The following KCNIP4 variants were observed in gnomAD, a reference collection of about 807,000 sequenced individuals.
The protein encoded by KCNIP4 is Kv channel-interacting protein 4.
In KCNIP4, 12 loss-of-function variants were observed where a neutral mutation model predicts 34.0. That is an observed-to-expected ratio of 0.35 (90% CI 0.23 to 0.57). KCNIP4 has a LOEUF of 0.57. KCNIP4 is among the 20% of genes least tolerant of loss of function. The pLI is 0.83. For missense variants in KCNIP4, 238 were observed against 311.7 expected, an observed-to-expected ratio of 0.76 and a Z score of 1.78; for synonymous variants, 124 against 102.2, an observed-to-expected ratio of 1.21 and a Z score of -1.29.
chr4:21,573,441 G>T (rs1740504403), intron 1 of KCNIP4, among the ~76,000 whole-genome samples: 1 of 151,778 alleles, frequency 6.6e-6, no homozygotes, highest in East Asian at 1.9e-4. Flanking sequence ...GTGTTCTATT[G>T]TTTCTCAGAT....
chr4:21,342,005 A>G (rs549661270), intron 1 of KCNIP4, among the ~76,000 whole-genome samples: 3 of 152,202 alleles, frequency 2.0e-5, no homozygotes, highest in African/African-American at 7.2e-5. Context: ...GTCCCCTCTT[A>G]TAAGGACTAT....
At chr4:21,492,177 T>C (rs1166350413) in intron 1 of KCNIP4, among the ~76,000 whole-genome samples, 1 of 152,122 alleles carries the variant, frequency 6.6e-6, no homozygotes, top group African/African-American at 2.4e-5. Flanking sequence ...ATACAAGTCA[T>C]TTTACTAACT....
At chr4:21,514,737 A>G (rs566926448) in intron 1 of KCNIP4, among the ~76,000 whole-genome samples, 1 of 152,142 alleles carries the variant, frequency 6.6e-6, no homozygotes, top group Non-Finnish European at 1.5e-5. Context: ...AAGTGAAAGA[A>G]AGACTCTCTC....
At chr4:21,082,600 T>C (rs1401483161) in intron 1 of KCNIP4, among the ~76,000 whole-genome samples, 8 of 151,312 alleles carry the variant, frequency 5.3e-5, no homozygotes. Context: ...AAATTTACAG[T>C]GTCTGGGGCA....
intron 1 of KCNIP4, among the ~76,000 whole-genome samples, chr4:21,420,251 C>T (rs993137345): frequency 1.1e-4 from 17 of 152,096 alleles, no homozygotes; most frequent in East Asian, 1.9e-4. Context: ...ATTAAAATGG[C>T]GAAATAATGT....
chr4:21,192,740 A>AT (rs1755740130), intron 1 of KCNIP4, among the ~76,000 whole-genome samples: 1 of 152,074 alleles, frequency 6.6e-6, no homozygotes, highest in South Asian at 2.1e-4. Context: ...ATGAAAAGAA[A>AT]TAAAAAAATT....
At chr4:21,154,975 C>T (rs543362975) in intron 1 of KCNIP4, among the ~76,000 whole-genome samples, 1 of 152,332 alleles carries the variant, frequency 6.6e-6, no homozygotes, top group South Asian at 2.1e-4. Context: ...CACACTTGCT[C>T]TCTTTCATAT....
At chr4:21,665,213 T>C (rs1210021673) in intron 1 of KCNIP4, among the ~76,000 whole-genome samples, 2 of 152,126 alleles carry the variant, frequency 1.3e-5, no homozygotes, top group Admixed American at 6.6e-5. Context: ...TCAGGAAATA[T>C]ATGGAAAGTG....
chr4:21,523,653 CCTCAAA>C (rs1409868196), intron 1 of KCNIP4, among the ~76,000 whole-genome samples: 1 of 152,032 alleles, frequency 6.6e-6, no homozygotes, highest in Non-Finnish European at 1.5e-5. Flanking sequence ...CCCACTGACA[CCTCAAA>C]CTCTTGAGCT....
At chr4:21,302,721 G>A (rs754976884) in intron 1 of KCNIP4, among the ~76,000 whole-genome samples, 12 of 151,616 alleles carry the variant, frequency 7.9e-5, no homozygotes, top group Non-Finnish European at 1.2e-4. Context: ...TGCATCCCCC[G>A]CCCCATGAGT....
chr4:21,769,384 T>C (rs1311082730), intron 1 of KCNIP4, among the ~76,000 whole-genome samples: 1 of 152,152 alleles, frequency 6.6e-6, no homozygotes, highest in African/African-American at 2.4e-5. Context: ...ATGTTCCAAA[T>C]ACTTTTGCTG....
intron 1 of KCNIP4, among the ~76,000 whole-genome samples, chr4:20,885,667 A>T (rs1487617850): frequency 1.3e-5 from 2 of 152,226 alleles, no homozygotes; most frequent in African/African-American, 4.8e-5. Context: ...CTATCTGGGC[A>T]GCAGGCAAAA....
intron 1 of KCNIP4, among the ~76,000 whole-genome samples, chr4:20,883,051 A>G (rs1349326370): frequency 6.8e-6 from 1 of 147,798 alleles, no homozygotes; most frequent in East Asian, 2.0e-4. Flanking sequence ...GGGATAAAAC[A>G]AGTATCACTA....
Position 20,729,474 on chromosome 4 carries a change from A to G in KCNIP4, c.*608T>C, listed in dbSNP as rs1560391978. ...TATGCTGATATCTGATAATAAACTA[A>G]TTTTTAAATGTTTAATAATTTTTAA... On this transcript the variant is annotated 3_prime_UTR_variant, in exon 9 of 9. Coordinates refer to ENST00000382152, the MANE Select transcript of KCNIP4 (RefSeq NM_025221.6). The G allele has an allele frequency of 2.5e-5, 3 of 118,420 alleles. No homozygotes were observed. The highest frequency in any genetic ancestry group is 1.1e-4 in the African/African-American group (3 of 27,146). 7.3% of individuals were successfully genotyped at this position (118,420 alleles called of 1,614,324 possible).
intron 3 of KCNIP4, among the ~76,000 whole-genome samples, chr4:20,848,948 C>T (rs190322283): frequency 1.1e-4 from 17 of 152,282 alleles, no homozygotes; most frequent in Admixed American, 1.1e-3. Context: ...TTTTACACCT[C>T]CTTTCCTTTC....
In KCNIP4 at chr4:20,742,763, A is replaced by G. The variant is rs182508849; in HGVS notation, c.429+6899T>C. Among the ~76,000 whole-genome samples the G allele has an allele frequency of 2.3e-3, 355 of 152,234 alleles. 8 individuals are homozygous for G. In the South Asian group the frequency reaches 0.046, roughly 20 times the overall value. On this transcript the variant is annotated intron_variant, in intron 5 of 8. Transcript: ENST00000382152. ...TAAAGGGTATTCAATTAGGGAAAGA[A>G]GAAGTCAAATTTTCCCTGTTTGCGG...
intron 1 of KCNIP4, among the ~76,000 whole-genome samples, chr4:21,268,499 A>G (rs1761953522): frequency 6.6e-6 from 1 of 152,170 alleles, no homozygotes; most frequent in South Asian, 2.1e-4. Context: ...GATGTTTTCT[A>G]AAATTAACTT....
intron 1 of KCNIP4, among the ~76,000 whole-genome samples, chr4:21,653,135 T>TGC (rs1747643484): frequency 2.0e-5 from 3 of 152,198 alleles, no homozygotes. Context: ...TGTGTGTGTG[T>TGC]GCATGCATAT....
intron 1 of KCNIP4, among the ~76,000 whole-genome samples, chr4:21,153,456 T>C (rs1388304999): frequency 6.7e-6 from 1 of 149,742 alleles, no homozygotes; most frequent in Non-Finnish European, 1.5e-5. Context: ...TCCCTCTCTC[T>C]CTCTCTCTCT....
Sources: allele counts gnomAD v4.1 joint callset (sites outside exome capture counted in the v4.1 genomes callset), GRCh38; gene constraint gnomAD v4.1.1; transcripts MANE v1.5; gene names NCBI Gene and HGNC (gene_info 2026-07-23, HGNC 2026-07-21).